Variants in NLK observed in about 807,000 individuals in gnomAD.
NLK encodes nemo like kinase, also known as serine/threonine-protein kinase NLK.
A neutral mutation model predicts 59.0 loss-of-function variants in NLK; 11 were observed. The ratio of observed to expected loss-of-function variants is 0.19; its 90% CI spans 0.12 to 0.31. NLK has a LOEUF of 0.31. NLK is among the 10% of genes least tolerant of loss of function. NLK has a pLI of 1.00. For missense variants in NLK, 410 were observed against 661.1 expected (o/e 0.62, Z 4.16); for synonymous variants, 235 against 235.9 (o/e 1.00, Z 0.03).
intron 2 of NLK, among the ~76,000 whole-genome samples, chr17:28,125,808 C>T (rs748382760): frequency 3.3e-5 from 5 of 152,156 alleles, no homozygotes; most frequent in Non-Finnish European, 7.4e-5. Flanking sequence ...AGGCTTAAAA[C>T]ACTTTCTTTT....
At chr17:28,093,561 CTTGAG>C (rs903327440) in intron 1 of NLK, among the ~76,000 whole-genome samples, 2 of 152,142 alleles carry the variant, frequency 1.3e-5, no homozygotes, top group African/African-American at 4.8e-5. Context: ...CTTCACAGAA[CTTGAG>C]TTGAGGGAGA....
chr17:28,105,197 A>C lies in NLK; in HGVS notation c.459-17406A>C, dbSNP rs139884504. ...TCTGTCACAGCTAAAGGGAAAGGAA[A>C]CAGGGACCTTTTTTCACCCAGCACT... On this transcript the variant is annotated intron_variant, in intron 1 of 10. Transcript: ENST00000407008. Among the ~76,000 whole-genome samples, 275 of 152,320 alleles carry C rather than the reference A, an allele frequency of 1.8e-3. 1 individual carries two copies. Among genetic ancestry groups the C allele is most frequent in the African/African-American group, 6.2e-3 (259 of 41,574 alleles).
At chr17:28,068,013 C>T (rs574440654) in intron 1 of NLK, among the ~76,000 whole-genome samples, 1 of 151,720 alleles carries the variant, frequency 6.6e-6, no homozygotes, top group East Asian at 1.9e-4. Context: ...TGGTGGTGCA[C>T]GCCTGTAATC....
chr17:28,146,370 C>T (rs1907249366), intron 3 of NLK, among the ~76,000 whole-genome samples: 1 of 140,276 alleles, frequency 7.1e-6, no homozygotes, highest in Non-Finnish European at 1.5e-5. Flanking sequence ...CCTCCTCCCT[C>T]ATATAACGAT....
chr17:28,093,652 T>C (rs1233602671), intron 1 of NLK, among the ~76,000 whole-genome samples: 6 of 152,208 alleles, frequency 3.9e-5, no homozygotes, highest in Non-Finnish European at 8.8e-5. Context: ...CTGCCCCTTA[T>C]TCTTAGGACG....
At chr17:28,134,403 C>T (rs1046610385) in intron 3 of NLK, among the ~76,000 whole-genome samples, 6 of 151,388 alleles carry the variant, frequency 4.0e-5, no homozygotes, top group African/African-American at 7.3e-5. Flanking sequence ...CTCGCCCTCC[C>T]GCCAAAAAAA....
intron 1 of NLK, among the ~76,000 whole-genome samples, chr17:28,119,635 GT>G (rs1402519083): frequency 6.6e-6 from 1 of 152,100 alleles, no homozygotes; most frequent in East Asian, 1.9e-4. Context: ...GGCAACCATC[GT>G]AATAATTGAT....
chr17:28,148,162 C>G (rs574852466), intron 3 of NLK, among the ~76,000 whole-genome samples: 7 of 152,070 alleles, frequency 4.6e-5, no homozygotes, highest in Non-Finnish European at 8.8e-5. Flanking sequence ...AAGGCCTGTC[C>G]TGTATTTCCA....
intron 3 of NLK, among the ~76,000 whole-genome samples, chr17:28,134,875 A>G (rs113958589): frequency 2.6e-5 from 4 of 152,372 alleles, no homozygotes; most frequent in African/African-American, 9.6e-5. Context: ...AGGATTGAGA[A>G]AGTTCTTTTC....
At chr17:28,085,378 G>C (rs1420473165) in intron 1 of NLK, among the ~76,000 whole-genome samples, 1 of 152,206 alleles carries the variant, frequency 6.6e-6, no homozygotes, top group Non-Finnish European at 1.5e-5. Flanking sequence ...AGTACATACA[G>C]TCATGCACTG....
chr17:28,045,269 G>A (rs1909011962), intron 1 of NLK, among the ~76,000 whole-genome samples: 1 of 152,184 alleles, frequency 6.6e-6, no homozygotes, highest in Non-Finnish European at 1.5e-5. Flanking sequence ...TTGAGGGTAA[G>A]GATTGTCTAC....
chr17:28,177,204 T>C (rs1347717236), intron 7 of NLK, among the ~76,000 whole-genome samples: 1 of 152,140 alleles, frequency 6.6e-6, no homozygotes, highest in Non-Finnish European at 1.5e-5. Flanking sequence ...GCACACTCAA[T>C]ATAATTTCTA....
chr17:28,165,567 T>C (rs1002601121), intron 5 of NLK, among the ~76,000 whole-genome samples: 3 of 152,204 alleles, frequency 2.0e-5, no homozygotes, highest in African/African-American at 7.2e-5. Context: ...TTGAAGATCA[T>C]TATAACAAAA....
chr17:28,115,270 A>G (rs969236314), intron 1 of NLK, among the ~76,000 whole-genome samples: 1 of 152,216 alleles, frequency 6.6e-6, no homozygotes, highest in Admixed American at 6.5e-5. Flanking sequence ...TCTCTACAAC[A>G]TTCTGTTGGC....
intron 7 of NLK, among the ~76,000 whole-genome samples, chr17:28,183,085 G>C (rs765149691): frequency 3.9e-5 from 6 of 152,228 alleles, no homozygotes; most frequent in Non-Finnish European, 7.3e-5. Flanking sequence ...GCTGGGCACA[G>C]TGGCGTGTGC....
At chr17:28,112,996 G>A (rs1043050439) in intron 1 of NLK, among the ~76,000 whole-genome samples, 1 of 152,104 alleles carries the variant, frequency 6.6e-6, no homozygotes, top group Non-Finnish European at 1.5e-5. Flanking sequence ...AGTTCTTTGG[G>A]CTGGTATAGA....
At chr17:28,115,109 G>C (rs903507700) in intron 1 of NLK, among the ~76,000 whole-genome samples, 3 of 152,190 alleles carry the variant, frequency 2.0e-5, no homozygotes, top group Non-Finnish European at 4.4e-5. Context: ...AGTTTTGGCA[G>C]AACTGTAAAC....
Position 28,055,346 on chromosome 17 carries a change from C to G in NLK, c.458+12015C>G, listed in dbSNP as rs142538815. The stretch of plus-strand genomic sequence containing the variant: ...GACCTCATGATTTGCCCACCTCGGG[C>G]TCCCGAAGTGCTGGGATTACAGGCA... On this transcript the variant is annotated intron_variant, in intron 1 of 10. Coordinates refer to ENST00000407008, the MANE Select transcript of NLK (RefSeq NM_016231.5). Among the ~76,000 whole-genome samples the G allele has an allele frequency of 8.2e-3, 1,247 of 151,966 alleles. 19 individuals are homozygous for G. Among genetic ancestry groups the G allele is most frequent in the African/African-American group, 0.029 (1,182 of 41,446 alleles).
chr17:28,084,229 T>C (rs1164955888), intron 1 of NLK, among the ~76,000 whole-genome samples: 1 of 152,234 alleles, frequency 6.6e-6, no homozygotes, highest in Non-Finnish European at 1.5e-5. Context: ...TAAAAGACCC[T>C]ACGTTACATG....
Sources: allele counts gnomAD v4.1 joint callset (sites outside exome capture counted in the v4.1 genomes callset), GRCh38; gene constraint gnomAD v4.1.1; transcripts MANE v1.5; gene names NCBI Gene and HGNC (gene_info 2026-07-23, HGNC 2026-07-21).